The following PCDH17 variants were observed in gnomAD, a reference collection of about 807,000 sequenced individuals.
The protein encoded by PCDH17 is protocadherin-17.
In PCDH17, 21 loss-of-function variants were observed where a neutral mutation model predicts 67.7. That is an observed-to-expected ratio of 0.31 (90% CI 0.22 to 0.45). PCDH17 has a LOEUF of 0.45. Among genes scored for constraint, PCDH17 ranks in the 20% least tolerant of loss-of-function variants. The pLI, the probability that PCDH17 is intolerant of heterozygous loss-of-function variation, is 1.00. For missense variants in PCDH17, 1,471 were observed against 1,564.8 expected, an observed-to-expected ratio of 0.94 and a Z score of 1.01; for synonymous variants, 701 against 656.7, an observed-to-expected ratio of 1.07 and a Z score of -1.03.
intron 1 of PCDH17, among the ~76,000 whole-genome samples, chr13:57,647,393 C>G (rs925926715): frequency 2.6e-5 from 4 of 151,596 alleles, no homozygotes; most frequent in African/African-American, 9.7e-5. Context: ...CTGTGACATC[C>G]CAGCAGAAAA....
intron 3 of PCDH17, among the ~76,000 whole-genome samples, chr13:57,695,093 A>C (rs1185836095): frequency 6.6e-6 from 1 of 150,986 alleles, no homozygotes; most frequent in Admixed American, 6.6e-5. Flanking sequence ...AATTTTTAGA[A>C]AAGTCTCCTA....
intron 3 of PCDH17, among the ~76,000 whole-genome samples, chr13:57,700,307 A>ATC (rs1245478591): frequency 2.5e-4 from 37 of 148,228 alleles, no homozygotes; most frequent in Admixed American, 2.1e-3. Flanking sequence ...ACATAATTAC[A>ATC]TCTCTCTCTC....
chr13:57,729,271 T>C lies in PCDH17; in HGVS notation c.*3977T>C, dbSNP rs887234738. 1 of 152,112 alleles carries C rather than the reference T, an allele frequency of 6.6e-6. No homozygotes were observed. Among genetic ancestry groups the C allele is most frequent in the Non-Finnish European group, 1.5e-5 (1 of 67,980 alleles). The allele number at this position is 152,112 out of a possible 1,614,324, so 9.4% of individuals were successfully genotyped here. A position where few individuals can be genotyped will look rare whatever the true frequency, so the allele number is the denominator to read the frequency against. ...TAATGGCTGTGTTTAATGTGATCTA[T>C]CTGGAAAATGAGGACTCCGAATAAA... is the stretch of plus-strand genomic sequence containing the variant. On this transcript the variant is annotated 3_prime_UTR_variant, in exon 4 of 4. Coordinates refer to ENST00000377918, the MANE Select transcript of PCDH17 (RefSeq NM_001040429.3).
intron 3 of PCDH17, among the ~76,000 whole-genome samples, chr13:57,705,260 G>C (rs4497542): frequency 0.82 from 124,203 of 151,868 alleles, 51,307 homozygotes; most frequent in African/African-American, 0.94. Context: ...TATATTTCTG[G>C]CTTTTTTATC....
intron 1 of PCDH17, among the ~76,000 whole-genome samples, chr13:57,663,063 A>G (rs988600204): frequency 6.6e-6 from 1 of 152,092 alleles, no homozygotes; most frequent in South Asian, 2.1e-4. Flanking sequence ...TGTCTCATGT[A>G]TTATTGATTT....
At chr13:57,652,195 G>A (rs1220057112) in intron 1 of PCDH17, among the ~76,000 whole-genome samples, 4 of 150,500 alleles carry the variant, frequency 2.7e-5, no homozygotes, top group African/African-American at 9.8e-5. Flanking sequence ...GGAGAATGGC[G>A]TGAACCCGGG....
chr13:57,686,587 A>G (rs1955510145), intron 3 of PCDH17, among the ~76,000 whole-genome samples: 1 of 151,970 alleles, frequency 6.6e-6, no homozygotes, highest in Non-Finnish European at 1.5e-5. Flanking sequence ...GGTTTGAGGT[A>G]GTTTGCAAAT....
chr13:57,687,151 C>T (rs958313529), intron 3 of PCDH17, among the ~76,000 whole-genome samples: 6 of 151,976 alleles, frequency 3.9e-5, no homozygotes, highest in African/African-American at 1.4e-4. Context: ...ATTTTAGGTA[C>T]TTTATTTTAT....
At position 57,633,016 on chromosome 13, in the gene PCDH17, A is replaced by T. The variant is rs1401543647; in HGVS notation, c.470A>T (p.His157Leu). 1 of 1,612,842 alleles carries T rather than the reference A, an allele frequency of 6.2e-7. No homozygotes were observed. The highest frequency in any genetic ancestry group is 2.2e-5 in the East Asian group (1 of 44,848). ...PGTRFPLTSA[H>L]DPDAGENGLR... ...ACCCGCTTCCCCCTCACCAGCGCAC[A>T]TGACCCCGACGCCGGCGAGAATGGG... is the stretch of plus-strand genomic sequence containing the variant. The change falls in exon 1 of 4, where the codon CAT becomes CTT. Residue 157 changes from histidine to leucine, a missense_variant. By Grantham distance (99) the His-to-Leu change is moderately conservative. This residue lies in a region of PCDH17 where 1,163 missense variants were observed against 1,230.0 expected (regional missense o/e 0.95). Coordinates refer to ENST00000377918, the MANE Select transcript of PCDH17 (RefSeq NM_001040429.3). This position sits in a 1 kb window ranked among gnomAD's most constrained non-coding sequence, Gnocchi z 6.2.
chr13:57,656,334 A>G (rs1486166197), intron 1 of PCDH17, among the ~76,000 whole-genome samples: 1 of 152,140 alleles, frequency 6.6e-6, no homozygotes, highest in Non-Finnish European at 1.5e-5. Context: ...TTAATTTGTA[A>G]AAATGTATTT....
intron 1 of PCDH17, among the ~76,000 whole-genome samples, chr13:57,638,179 T>G (rs1954847792): frequency 6.6e-6 from 1 of 152,092 alleles, no homozygotes; most frequent in South Asian, 2.1e-4. Flanking sequence ...GCAAATAGAT[T>G]GTTATACAAA....
rs1203721622 is a variant in PCDH17 at position 57,725,199 on chromosome 13, G to GGTGGGT, written c.3386_3387insTGGGTG (p.Gly1129_Arg1130insGlyCys). ...GCTTGACCACCCCAACAGGGATCTG[G>GGTGGGT]GCAGAGAGTCTGTGGATGCAGAGGA... On this transcript the variant is annotated inframe_insertion, in exon 4 of 4. Coordinates refer to ENST00000377918, the MANE Select transcript of PCDH17 (RefSeq NM_001040429.3). 16 of 1,613,994 alleles carry GGTGGGT rather than the reference G, an allele frequency of 9.9e-6. No homozygotes were observed. In the Admixed American group the frequency reaches 2.7e-4, roughly 27 times the overall value.
At position 57,729,190 on chromosome 13, in the gene PCDH17, C is replaced by T. The variant is rs1955935025; in HGVS notation, c.*3896C>T. The T allele has an allele frequency of 1.3e-5, 2 of 152,208 alleles. No individual in the cohort carries two copies. The highest frequency in any genetic ancestry group is 4.1e-4 in the South Asian group (2 of 4,826). The allele number at this position is 152,208 out of a possible 1,614,324, so 9.4% of individuals were successfully genotyped here. A position where few individuals can be genotyped will look rare whatever the true frequency, so the allele number is the denominator to read the frequency against. On this transcript the variant is annotated 3_prime_UTR_variant, in exon 4 of 4. Transcript: ENST00000377918. ...TTAGCTGCACCAAGTGATTGGTGAACAAGGACAACAACAAAAGCAGCATAC... is the reference window on the plus strand; with the variant it reads ...TTAGCTGCACCAAGTGATTGGTGAATAAGGACAACAACAAAAGCAGCATAC...
chr13:57,666,003 C>T (rs923829571), intron 1 of PCDH17, among the ~76,000 whole-genome samples: 10 of 152,120 alleles, frequency 6.6e-5, no homozygotes, highest in Non-Finnish European at 2.9e-5. Flanking sequence ...AAAGGCCCTG[C>T]ATCTCTTAAT....
chr13:57,677,492 AAG>A (rs1955404691), intron 3 of PCDH17, among the ~76,000 whole-genome samples: 1 of 151,822 alleles, frequency 6.6e-6, no homozygotes, highest in Non-Finnish European at 1.5e-5. Context: ...TGAAATATAG[AAG>A]ATATATATAC....
intron 3 of PCDH17, among the ~76,000 whole-genome samples, chr13:57,708,002 T>TG (rs1171687336): frequency 6.6e-6 from 1 of 151,856 alleles, no homozygotes; most frequent in Non-Finnish European, 1.5e-5. Context: ...CATTTTAGGG[T>TG]GGGGGGCAGT....
intron 3 of PCDH17, among the ~76,000 whole-genome samples, chr13:57,677,606 G>A (rs1470687000): frequency 1.3e-5 from 2 of 151,730 alleles, no homozygotes; most frequent in Non-Finnish European, 2.9e-5. Context: ...GAAGGAGAGG[G>A]GTAGGAAGCT....
intron 1 of PCDH17, among the ~76,000 whole-genome samples, chr13:57,637,957 CAG>C (rs1469993962): frequency 6.6e-6 from 1 of 151,910 alleles, no homozygotes; most frequent in Non-Finnish European, 1.5e-5. Context: ...GATACAGAAA[CAG>C]TGATGTTTGT....
intron 3 of PCDH17, among the ~76,000 whole-genome samples, chr13:57,719,501 C>G (rs1955855367): frequency 6.6e-6 from 1 of 151,980 alleles, no homozygotes; most frequent in Non-Finnish European, 1.5e-5. Context: ...AACTCCTGTG[C>G]TGCAAACTAT....
Sources: allele counts gnomAD v4.1 joint callset (sites outside exome capture counted in the v4.1 genomes callset), GRCh38; gene constraint gnomAD v4.1.1; regional missense constraint gnomAD v4.1.1; non-coding constraint Gnocchi (gnomAD v3.1); transcripts MANE v1.5; gene names NCBI Gene and HGNC (gene_info 2026-07-23, HGNC 2026-07-21).